ASB11: variants seen among roughly 807,000 people sequenced by gnomAD.
The protein encoded by ASB11 is ankyrin repeat and SOCS box protein 11.
ASB11 carries 17 observed loss-of-function variants against 20.1 expected under a neutral mutation model. The observed-to-expected ratio is 0.85, with a 90% CI of 0.58 to 1.27. The LOEUF is 1.27. Ranked by LOEUF, ASB11 falls within the 50% of genes most tolerant of loss-of-function variation. The probability of loss-of-function intolerance (pLI) is 0.00; values close to 1 mark genes in which losing one functional copy is unlikely to be tolerated. For synonymous variants in ASB11, 107 were observed against 105.6 expected, an observed-to-expected ratio of 1.01 and a Z score of -0.08; for missense variants, 259 against 256.9, an observed-to-expected ratio of 1.01 and a Z score of -0.06.
chrX:15,287,309 G>A (rs1030625258), intron 6 of ASB11, among the ~76,000 whole-genome samples: 2 of 112,546 alleles, frequency 1.8e-5, no homozygotes, highest in East Asian at 2.8e-4. Flanking sequence ...CAAGATTTTC[G>A]GGGTATAAAC....
intron 1 of ASB11, among the ~76,000 whole-genome samples, chrX:15,306,638 G>A (rs1921255747): frequency 1.8e-5 from 2 of 110,787 alleles, no homozygotes; most frequent in Admixed American, 1.9e-4. Context: ...GGGAGGTGGA[G>A]GCTGCAGTGA....
rs779016321 is a variant in ASB11, at chrX:15,287,308, C to T, written c.847+573G>A. Among the ~76,000 whole-genome samples the T allele has an allele frequency of 5.3e-5, 6 of 112,731 alleles. No individual in the cohort carries two copies. The East Asian group carries it at 8.3e-4, about 16-fold the overall frequency. On this transcript the variant is annotated intron_variant, in intron 6 of 6. Coordinates refer to ENST00000480796, the MANE Select transcript of ASB11 (RefSeq NM_080873.3). ...GACAGAAATGGAAATTCAAGATTTT[C>T]GGGGTATAAACAAGGTTTTCTGGTT... is the stretch of plus-strand genomic sequence containing the variant.
chrX:15,314,575 C>T (rs1921554279), intron 1 of ASB11: 1 of 1,003,129 alleles, frequency 1.0e-6, no homozygotes, highest in East Asian at 3.5e-5. Flanking sequence ...ATTGGAATCA[C>T]ATAAGACTAT....
At chrX:15,284,266 AAAAAG>A (rs1176760293) in intron 6 of ASB11, among the ~76,000 whole-genome samples, 13 of 107,389 alleles carry the variant, frequency 1.2e-4, no homozygotes, top group African/African-American at 4.1e-4. Flanking sequence ...AAAAAAAAAA[AAAAAG>A]AAAGAAAGAA....
intron 1 of ASB11, among the ~76,000 whole-genome samples, chrX:15,314,920 G>T (rs1921566005): frequency 9.0e-6 from 1 of 111,314 alleles, no homozygotes; most frequent in Admixed American, 9.7e-5. Flanking sequence ...CATATAAAAT[G>T]GGTTTAGTGA....
chrX:15,284,100 A>C (rs1443362677), intron 6 of ASB11, among the ~76,000 whole-genome samples: 30 of 106,400 alleles, frequency 2.8e-4, no homozygotes, highest in African/African-American at 9.9e-4. Flanking sequence ...AAAATACAAA[A>C]AATTAGCCGG....
At chrX:15,293,037 A>G (rs1927571213) in intron 4 of ASB11, 133 bp downstream of exon 4, 2 of 867,705 alleles carry the variant, frequency 2.3e-6, no homozygotes, top group Middle Eastern at 4.5e-4. Context: ...CTGCTGTGGG[A>G]TTTCTAGGCC....
At chrX:15,298,854 C>T (rs1326568611) in intron 2 of ASB11, among the ~76,000 whole-genome samples, 1 of 112,036 alleles carries the variant, frequency 8.9e-6, no homozygotes, top group Non-Finnish European at 1.9e-5. Context: ...ACTGCTTCAG[C>T]CATGACTCCA....
chrX:15,293,492 C>T (rs1159373710), intron 3 of ASB11, among the ~76,000 whole-genome samples, 172 bp from the exon 4 acceptor site: 4 of 112,240 alleles, frequency 3.6e-5, no homozygotes, highest in South Asian at 3.7e-4. Context: ...GTGGATCGAG[C>T]GAGTTACTAT....
At chrX:15,313,007 T>C (rs1308238953) in intron 1 of ASB11, among the ~76,000 whole-genome samples, 1 of 111,269 alleles carries the variant, frequency 9.0e-6, no homozygotes, top group Non-Finnish European at 1.9e-5. Flanking sequence ...TTTGTAATAA[T>C]ATAGTATCTG....
chrX:15,305,765 T>G (rs1307333123), intron 1 of ASB11, among the ~76,000 whole-genome samples: 1 of 110,912 alleles, frequency 9.0e-6, no homozygotes, highest in African/African-American at 3.3e-5. Flanking sequence ...ATTTTATGTT[T>G]TTTGACTTTT....
chrX:15,307,771 T>A (rs1190371854), intron 1 of ASB11, among the ~76,000 whole-genome samples: 2 of 112,270 alleles, frequency 1.8e-5, no homozygotes, highest in Non-Finnish European at 3.8e-5. Flanking sequence ...GCTGATAATA[T>A]GCAATTTCTT....
intron 3 of ASB11, among the ~76,000 whole-genome samples, chrX:15,295,019 G>C (rs1920955327): frequency 9.0e-6 from 1 of 111,728 alleles, no homozygotes; most frequent in Non-Finnish European, 1.9e-5. Flanking sequence ...TTCCATTAGG[G>C]AAGACAAATA....
intron 1 of ASB11, among the ~76,000 whole-genome samples, chrX:15,310,789 A>C (rs1180555026): frequency 2.7e-5 from 3 of 111,913 alleles, no homozygotes; most frequent in Non-Finnish European, 3.8e-5. Context: ...GGAGTTCGAG[A>C]CCAGCCTGGC....
At chrX:15,284,121 G>T (rs867728129) in intron 6 of ASB11, among the ~76,000 whole-genome samples, 2 of 106,935 alleles carry the variant, frequency 1.9e-5, no homozygotes, top group Non-Finnish European at 3.8e-5. Context: ...GTGTGGTGGC[G>T]GGTGCCTATA....
intron 4 of ASB11, chrX:15,292,027 T>C (rs1280181450): frequency 9.1e-5 from 9 of 98,621 alleles, no homozygotes; most frequent in African/African-American, 3.4e-4. Flanking sequence ...AGCACGAGAC[T>C]CTGTCGAAAA....
At chrX:15,284,206 C>T (rs1161036327) in intron 6 of ASB11, among the ~76,000 whole-genome samples, 24 of 98,493 alleles carry the variant, frequency 2.4e-4, no homozygotes, top group African/African-American at 5.1e-4. Flanking sequence ...GAGCCGAGAT[C>T]GGGCCACTGC....
Position 15,293,358 on chromosome X carries a change from T to G in ASB11, c.370-38A>C. ...AAAGAGAGACCCAAAGGATTTGTTA[T>G]TTCATTCTCACCATCTCCAAGTATG... On this transcript the variant is annotated intron_variant, in intron 3 of 6. Coordinates refer to ENST00000480796, the MANE Select transcript of ASB11 (RefSeq NM_080873.3). 5 of 1,171,160 alleles carry G rather than the reference T, an allele frequency of 4.3e-6. No individual in the cohort carries two copies. The South Asian group carries it at 9.8e-5, about 23-fold the overall frequency.
chrX:15,312,473 A>T (rs1393775089), intron 1 of ASB11, among the ~76,000 whole-genome samples: 1 of 96,008 alleles, frequency 1.0e-5, no homozygotes, highest in Admixed American at 1.2e-4. Flanking sequence ...AAAGAATGAT[A>T]TTTAATGAGG....
Sources: allele counts gnomAD v4.1 joint callset (sites outside exome capture counted in the v4.1 genomes callset), GRCh38; gene constraint gnomAD v4.1.1; transcripts MANE v1.5; gene names NCBI Gene and HGNC (gene_info 2026-07-23, HGNC 2026-07-21).